The following SLFN12L variants were observed in gnomAD, a reference collection of about 807,000 sequenced individuals.
The protein encoded by SLFN12L is schlafen family member 12 like.
In SLFN12L, 34 loss-of-function variants were observed where a neutral mutation model predicts 34.8. The ratio of observed to expected loss-of-function variants is 0.98; its 90% CI spans 0.74 to 1.30. The LOEUF (loss-of-function observed/expected upper bound fraction) is 1.30, where lower values mean the gene tolerates loss of function less well. Ranked by LOEUF, SLFN12L falls within the 50% of genes most tolerant of loss-of-function variation. The probability of loss-of-function intolerance (pLI) is 0.00; values close to 1 mark genes in which losing one functional copy is unlikely to be tolerated. For missense variants in SLFN12L, 703 were observed against 696.2 expected, an observed-to-expected ratio of 1.01 and a Z score of -0.11; for synonymous variants, 259 against 247.5, an observed-to-expected ratio of 1.05 and a Z score of -0.44.
chr17:35,530,434 GGGA>G (rs2072389452), intron 1 of SLFN12L, among the ~76,000 whole-genome samples: 1 of 11,642 alleles, frequency 8.6e-5, no homozygotes, highest in African/African-American at 1.8e-4. Context: ...AGGAAGGGAA[GGGA>G]AGGGAAGAAA....
chr17:35,531,554 C>A (rs1334100121), intron 1 of SLFN12L, among the ~76,000 whole-genome samples: 1 of 152,034 alleles, frequency 6.6e-6, no homozygotes, highest in Non-Finnish European at 1.5e-5. Context: ...GTATAGCATG[C>A]CATTGGTTTC....
chr17:35,491,905 C>G (rs1475991560), intron 2 of SLFN12L, among the ~76,000 whole-genome samples: 1 of 152,198 alleles, frequency 6.6e-6, no homozygotes, highest in Non-Finnish European at 1.5e-5. Context: ...ATACAGAAGA[C>G]TAGTAGAGTT....
At chr17:35,530,117 C>CT (rs35836415) in intron 1 of SLFN12L, among the ~76,000 whole-genome samples, 8,977 of 109,430 alleles carry the variant, frequency 0.082, 624 homozygotes, top group East Asian at 0.37. Flanking sequence ...ACTGCTTTGT[C>CT]TTTTTTTTTT....
At chr17:35,487,401 G>A (rs1914624889) in intron 2 of SLFN12L, among the ~76,000 whole-genome samples, 1 of 152,246 alleles carries the variant, frequency 6.6e-6, no homozygotes, top group African/African-American at 2.4e-5. Context: ...AGAGAAAGCA[G>A]CCTCGGGTCT....
chr17:35,492,271 G>A (rs181815888), intron 2 of SLFN12L, among the ~76,000 whole-genome samples: 143 of 152,294 alleles, frequency 9.4e-4, no homozygotes, highest in African/African-American at 3.3e-3. Context: ...AGCTTGGAGC[G>A]AGTCAGTCCT....
At chr17:35,490,623 GGAAGA>G in intron 2 of SLFN12L, 1 of 861,886 alleles carries the variant, frequency 1.2e-6, no homozygotes, top group South Asian at 1.4e-5. Flanking sequence ...AGCTCACTCA[GGAAGA>G]GAAGAAATTA....
chr17:35,527,305 T>C (rs565972480), intron 1 of SLFN12L, among the ~76,000 whole-genome samples: 6 of 152,314 alleles, frequency 3.9e-5, no homozygotes, highest in African/African-American at 1.2e-4. Flanking sequence ...GTACCATTCC[T>C]TCTGAAGTTA....
chr17:35,505,346 G>A (rs72828013), intron 2 of SLFN12L, among the ~76,000 whole-genome samples: 20,691 of 152,204 alleles, frequency 0.14, 1,819 homozygotes, highest in South Asian at 0.25. Flanking sequence ...TGCCTACCTC[G>A]TCAAAGATCT....
At chr17:35,526,263 A>T (rs2072334016) in intron 1 of SLFN12L, among the ~76,000 whole-genome samples, 1 of 152,202 alleles carries the variant, frequency 6.6e-6, no homozygotes, top group South Asian at 2.1e-4. Context: ...ATAGTGGGAG[A>T]CTTTAACACT....
At chr17:35,503,104 T>A (rs973748256) in intron 2 of SLFN12L, among the ~76,000 whole-genome samples, 1 of 152,154 alleles carries the variant, frequency 6.6e-6, no homozygotes, top group Non-Finnish European at 1.5e-5. Flanking sequence ...TTGTGCAAGG[T>A]GTATAAGGAA....
chr17:35,481,078 G>A (rs1914317229), intron 2 of SLFN12L, among the ~76,000 whole-genome samples: 1 of 152,230 alleles, frequency 6.6e-6, no homozygotes. Context: ...AAAGTGACCA[G>A]AAAACAAGTG....
intron 1 of SLFN12L, among the ~76,000 whole-genome samples, chr17:35,536,151 G>A (rs1179423867): frequency 6.6e-6 from 1 of 152,100 alleles, no homozygotes; most frequent in African/African-American, 2.4e-5. Context: ...TGTGCAAACT[G>A]GTCTCCCAAA....
At chr17:35,516,532 C>T (rs1915835062) in intron 2 of SLFN12L, among the ~76,000 whole-genome samples, 1 of 152,110 alleles carries the variant, frequency 6.6e-6, no homozygotes, top group Admixed American at 6.5e-5. Flanking sequence ...TATCCTGTAC[C>T]TTCTAGGATG....
In SLFN12L at chr17:35,522,339, T is replaced by C. The variant is rs112413056; in HGVS notation, c.26A>G (p.His9Arg). The change falls in exon 2 of 5, where the codon CAC becomes CGC. Residue 9 changes from histidine to arginine, a missense_variant. Transcript: ENST00000628453. ...GTAGAGAATTCTGTGTGCCTCACAGTGAAACACATTCCTGATCTTCTCCAT... is the reference window on the plus strand; with the variant it reads ...GTAGAGAATTCTGTGTGCCTCACAGCGAAACACATTCCTGATCTTCTCCAT... MEKIRNVF[H>R]CEAHRILYIC... 3 of 1,614,210 alleles carry C rather than the reference T, an allele frequency of 1.9e-6. No individual in the cohort carries two copies. The South Asian group carries it at 3.3e-5, about 18-fold the overall frequency.
chr17:35,514,902 C>A, intron 2 of SLFN12L: 1 of 410,056 alleles, frequency 2.4e-6, no homozygotes, highest in South Asian at 2.0e-5. Context: ...TGTGGCTGTC[C>A]ACACACAGCA....
chr17:35,524,779 A>G (rs1384576070), intron 1 of SLFN12L, among the ~76,000 whole-genome samples: 5 of 152,216 alleles, frequency 3.3e-5, no homozygotes, highest in African/African-American at 1.2e-4. Flanking sequence ...TGAAAATTCC[A>G]AAAACCAGAA....
chr17:35,485,535 C>T (rs563279125), intron 2 of SLFN12L, among the ~76,000 whole-genome samples: 10 of 152,292 alleles, frequency 6.6e-5, no homozygotes, highest in African/African-American at 2.2e-4. Flanking sequence ...TCCCATTTGT[C>T]TATCTTTGAT....
rs1913717600 is a variant in SLFN12L at position 35,466,199 on chromosome 17, T to G, written c.*8724A>C. Among the ~76,000 whole-genome samples, 1 of 152,202 alleles carries G rather than the reference T, an allele frequency of 6.6e-6. No homozygotes were observed. The highest frequency in any genetic ancestry group is 2.4e-5 in the African/African-American group (1 of 41,450). On this transcript the variant is annotated 3_prime_UTR_variant, in exon 5 of 5. Transcript: ENST00000628453. ...CGACTTTTACATTAGCGTTCATTCT[T>G]CTTGTACATTTTATGGGTTCAGACA...
chr17:35,513,980 C>T (rs1229782860), intron 2 of SLFN12L, among the ~76,000 whole-genome samples: 1 of 152,172 alleles, frequency 6.6e-6, no homozygotes, highest in Non-Finnish European at 1.5e-5. Context: ...AACATACGTT[C>T]CTCAGATGAA....
Sources: gnomAD v4.1 joint callset for allele counts (sites outside exome capture counted in the v4.1 genomes callset) on GRCh38, gnomAD v4.1.1 for gene constraint, MANE v1.5 for transcripts, NCBI Gene and HGNC (gene_info 2026-07-23, HGNC 2026-07-21) for gene names.